Variants in TUBAL3 observed in about 807,000 individuals in gnomAD.
TUBAL3 encodes tubulin alpha chain-like 3.
In TUBAL3, 16 loss-of-function variants were observed where a neutral mutation model predicts 15.5. The observed-to-expected ratio is 1.04, with a 90% CI of 0.70 to 1.57. TUBAL3 has a LOEUF of 1.57. Ranked by LOEUF, TUBAL3 falls within the 40% of genes most tolerant of loss-of-function variation. TUBAL3 has a pLI of 0.00. For synonymous variants in TUBAL3, 238 were observed against 224.3 expected (o/e 1.06, Z -0.55); for missense variants, 609 against 576.2 (o/e 1.06, Z -0.58).
rs549479347 is a variant in TUBAL3 at position 5,393,277 on chromosome 10, T to C, written c.*240A>G. 4.1e-5 allele frequency: 18 copies of C among 439,830 alleles called. No individual in the cohort carries two copies. In the East Asian group the frequency reaches 5.1e-4, roughly 13 times the overall value. The allele number at this position is 439,830 out of a possible 1,614,324, so 27.2% of individuals were successfully genotyped here. A position where few individuals can be genotyped will look rare whatever the true frequency, so the allele number is the denominator to read the frequency against. On this transcript the variant is annotated 3_prime_UTR_variant, in exon 4 of 4. Transcript: ENST00000380419. ...TCCCACCTAGAAGTGACTCAGCAGT[T>C]CAAAGGACTCTAAGCTTCCAAAGGC... is the stretch of plus-strand genomic sequence containing the variant.
At position 5,398,560 on chromosome 10, in the gene TUBAL3, C is replaced by T. The variant is rs116378859; in HGVS notation, c.247+2284G>A. ...GAGCTATGATTACGCCACTGCACTC[C>T]AGCCTGGGTGACAGAACAAGACCCA... On this transcript the variant is annotated intron_variant, in intron 2 of 3. Transcript: ENST00000380419. Among the ~76,000 whole-genome samples, 1,133 of 152,172 alleles carry T rather than the reference C, an allele frequency of 7.4e-3. 20 individuals are homozygous for T. The highest frequency in any genetic ancestry group is 0.026 in the African/African-American group (1,089 of 41,518).
At chr10:5,402,349 G>A (rs971134010) in intron 1 of TUBAL3, among the ~76,000 whole-genome samples, 10 of 152,178 alleles carry the variant, frequency 6.6e-5, no homozygotes, top group Non-Finnish European at 1.5e-4. Context: ...GATAGCAATC[G>A]CTGTTCTTAA....
At position 5,393,533 on chromosome 10, in the gene TUBAL3, A is replaced by C. The variant is rs781801700; in HGVS notation, c.1325T>G (p.Val442Gly). ...ATACATGCCTCAGAAACTTTGCGCCACTTCCTCATAGTCCCTCTCCAGGGC... is the reference window on the plus strand; with the variant it reads ...ATACATGCCTCAGAAACTTTGCGCCCCTTCCTCATAGTCCCTCTCCAGGGC... ...LAALERDYEE[V>G]AQSF The change falls in exon 4 of 4, where the codon GTG becomes GGG. Residue 442 changes from valine (V) to glycine (G), a missense_variant. Coordinates refer to ENST00000380419, the MANE Select transcript of TUBAL3 (RefSeq NM_024803.3). 6.2e-7 allele frequency: 1 copy of C among 1,604,852 alleles called. No homozygotes were observed. Among genetic ancestry groups the C allele is most frequent in the South Asian group, 1.1e-5 (1 of 89,616 alleles).
At position 5,394,235 on chromosome 10, in the gene TUBAL3, G is replaced by A; in HGVS notation, c.623C>T (p.Thr208Ile). The A allele has an allele frequency of 1.9e-6, 3 of 1,614,180 alleles. No individual in the cohort carries two copies. Among genetic ancestry groups the A allele is most frequent in the Non-Finnish European group, 2.5e-6 (3 of 1,180,032 alleles). The change falls in exon 4 of 4, where the codon ACC becomes ATC. Residue 208 changes from threonine to isoleucine, a missense_variant. Transcript: ENST00000380419. The surrounding 1 kb of genome is among the most constrained non-coding windows in gnomAD (Gnocchi z 4.3). ...THSTTEHTDC[T>I]FMVDNEAVYD... ...GACGGCCTCGTTGTCCACCATGAAGGTACAGTCCGTGTGCTCTGTGGTGGA... is the reference window on the plus strand; with the variant it reads ...GACGGCCTCGTTGTCCACCATGAAGATACAGTCCGTGTGCTCTGTGGTGGA...
In TUBAL3 at chr10:5,393,299, A is replaced by C; in HGVS notation, c.*218T>G. On this transcript the variant is annotated 3_prime_UTR_variant, in exon 4 of 4. Coordinates refer to ENST00000380419, the MANE Select transcript of TUBAL3 (RefSeq NM_024803.3). The stretch of plus-strand genomic sequence containing the variant: ...AGTTCAAAGGACTCTAAGCTTCCAA[A>C]GGCTCCCAGGTAGCAGAGCTGACTT... The C allele has an allele frequency of 2.1e-6, 1 of 473,478 alleles. No individual in the cohort carries two copies. Among genetic ancestry groups the C allele is most frequent in the African/African-American group, 1.9e-5 (1 of 51,476 alleles). The allele number at this position is 473,478 out of a possible 1,614,324, so 29.3% of individuals were successfully genotyped here.
At chr10:5,399,746 G>C (rs1554814477) in intron 2 of TUBAL3, among the ~76,000 whole-genome samples, 3 of 152,100 alleles carry the variant, frequency 2.0e-5, no homozygotes, top group Admixed American at 6.5e-5. Flanking sequence ...CACTCTCTCA[G>C]TCAACAGCCA....
At chr10:5,399,143 C>T (rs1806720517) in intron 2 of TUBAL3, among the ~76,000 whole-genome samples, 1 of 152,144 alleles carries the variant, frequency 6.6e-6, no homozygotes, top group Non-Finnish European at 1.5e-5. Flanking sequence ...TTATAAAGTT[C>T]CTCATCTATA....
rs142200507 is a variant in TUBAL3 at position 5,401,160 on chromosome 10, G to C, written c.4-73C>G. The C allele has an allele frequency of 8.3e-4, 1,306 of 1,569,308 alleles. 5 individuals are homozygous for C. The African/African-American group carries it at 0.016, about 19-fold the overall frequency. On this transcript the variant is annotated intron_variant, in intron 1 of 3. Transcript: ENST00000380419. The stretch of plus-strand genomic sequence containing the variant: ...AGGAGATCTGTTACTCAGCCCTTCT[G>C]GTTACAAATGACAGAAACCAAGCTA...
At position 5,393,792 on chromosome 10, in the gene TUBAL3, T is replaced by C. The variant is rs181652174; in HGVS notation, c.1066A>G (p.Thr356Ala). The C allele has an allele frequency of 1.2e-5, 19 of 1,614,070 alleles. No homozygotes were observed. Among genetic ancestry groups the C allele is most frequent in the South Asian group, 4.4e-5 (4 of 91,088 alleles). ...HSVQFVDWCPTGFKVGINNRP... is the reference protein window; with the variant it reads ...HSVQFVDWCPAGFKVGINNRP... ...TTGTTGATGCCCACCTTGAAACCAG[T>C]TGGACACCAATCTACAAACTGAACA... Residue 356 changes from threonine (T) to alanine (A), a missense_variant, in exon 4 of 4, where the codon ACT (threonine) becomes GCT (alanine). By Grantham distance (58) the Thr-to-Ala change is moderately conservative. Coordinates refer to ENST00000380419, the MANE Select transcript of TUBAL3 (RefSeq NM_024803.3).
chr10:5,396,271 G>A lies in TUBAL3; in HGVS notation c.248-796C>T, dbSNP rs1014727736. 2.0e-5 allele frequency among the ~76,000 whole-genome samples: 3 copies of A among 152,098 alleles called. No homozygotes were observed. The highest frequency in any genetic ancestry group is 7.2e-5 in the African/African-American group (3 of 41,424). ...ACCTGTAATCCCAGCACTTTGGGAGGCTGAGGCAGGTGGATCACTTGAGGT... is the reference window on the plus strand; with the variant it reads ...ACCTGTAATCCCAGCACTTTGGGAGACTGAGGCAGGTGGATCACTTGAGGT... On this transcript the variant is annotated intron_variant, in intron 2 of 3. Transcript: ENST00000380419. This position sits in a 1 kb window ranked among gnomAD's most constrained non-coding sequence, Gnocchi z 5.1.
intron 1 of TUBAL3, among the ~76,000 whole-genome samples, chr10:5,402,601 G>A (rs782230883): frequency 2.6e-5 from 4 of 152,138 alleles, no homozygotes; most frequent in Non-Finnish European, 5.9e-5. Context: ...CCCAACCCCC[G>A]GGCCACAGAC....
At chr10:5,401,631 C>T (rs1831852459) in intron 1 of TUBAL3, among the ~76,000 whole-genome samples, 1 of 151,954 alleles carries the variant, frequency 6.6e-6, no homozygotes, top group South Asian at 2.1e-4. Context: ...ATATACTAAA[C>T]TTAAAACTAG....
At position 5,396,666 on chromosome 10, in the gene TUBAL3, T is replaced by G. The variant is rs1354675486; in HGVS notation, c.248-1191A>C. Among the ~76,000 whole-genome samples the G allele has an allele frequency of 6.6e-6, 1 of 152,160 alleles. No homozygotes were observed. The highest frequency in any genetic ancestry group is 1.9e-4 in the East Asian group (1 of 5,202). On this transcript the variant is annotated intron_variant, in intron 2 of 3. Transcript: ENST00000380419. The surrounding 1 kb of genome is among the most constrained non-coding windows in gnomAD (Gnocchi z 5.1). ...AATGCATGACGCAGGACAATTGGCG[T>G]TAAGATGTTGGCAGTATCCAATACA... is the stretch of plus-strand genomic sequence containing the variant.
At chr10:5,400,735 G>A in intron 2 of TUBAL3, 109 bp downstream of exon 2, 1 of 1,393,078 alleles carries the variant, frequency 7.2e-7, no homozygotes, top group Non-Finnish European at 9.9e-7. Context: ...TTTGGGAAAG[G>A]TCCATGTGAT....
In TUBAL3 at chr10:5,394,084, G is replaced by A; in HGVS notation, c.774C>T (p.Asp258=). The A allele has an allele frequency of 1.2e-6, 2 of 1,614,204 alleles. No homozygotes were observed. The highest frequency in any genetic ancestry group is 8.5e-7 in the Non-Finnish European group (1 of 1,180,042). ...CCAGGTTGGTCTGGAATTCAATTAGGTCTACATTCAAGGGCCCTTCAAACC... is the reference window on the plus strand; with the variant it reads ...CCAGGTTGGTCTGGAATTCAATTAGATCTACATTCAAGGGCCCTTCAAACC... ...SLRFEGPLNV[D]LIEFQTNLVP... Residue 258 remains aspartate (D), a synonymous_variant, in exon 4 of 4, where the codon GAC becomes GAT. Transcript: ENST00000380419. This position sits in a 1 kb window ranked among gnomAD's most constrained non-coding sequence, Gnocchi z 4.3.
At position 5,395,067 on chromosome 10, in the gene TUBAL3, A is replaced by T. The variant is rs937998621; in HGVS notation, c.396+260T>A. Among the ~76,000 whole-genome samples, 4 of 152,198 alleles carry T rather than the reference A, an allele frequency of 2.6e-5. No individual in the cohort carries two copies. The highest frequency in any genetic ancestry group is 2.6e-4 in the Admixed American group (4 of 15,278). ...TATGGGAGTCTCTCGTAACAAGATGAACCCTGTGTTAGGAGAACCAGGGAT... is the reference window on the plus strand; with the variant it reads ...TATGGGAGTCTCTCGTAACAAGATGTACCCTGTGTTAGGAGAACCAGGGAT... On this transcript the variant is annotated intron_variant, in intron 3 of 3. Coordinates refer to ENST00000380419, the MANE Select transcript of TUBAL3 (RefSeq NM_024803.3). The surrounding 1 kb of genome is among the most constrained non-coding windows in gnomAD (Gnocchi z 4.6).
chr10:5,402,054 G>A (rs7474645), intron 1 of TUBAL3, among the ~76,000 whole-genome samples: 12,807 of 152,154 alleles, frequency 0.084, 711 homozygotes, highest in South Asian at 0.17. Context: ...TAAGATGCAT[G>A]ATTGCATATA....
At chr10:5,404,069 C>G (rs371741670) in intron 1 of TUBAL3, among the ~76,000 whole-genome samples, 1 of 152,308 alleles carries the variant, frequency 6.6e-6, no homozygotes, top group African/African-American at 2.4e-5. Flanking sequence ...GCTATTATCA[C>G]AAGTCTCTCT....
In TUBAL3 at chr10:5,395,383, G is replaced by T. The variant is rs376042002; in HGVS notation, c.340C>A (p.Arg114Ser). The stretch of plus-strand genomic sequence containing the variant: ...ATGACCTCCGACCCCACAGAGTAAC[G>T]GCCTCGCGCGTAATTGTTAGCAGCA... Reference protein sequence around the residue: ...EDAANNYARGRYSVGSEVIDL... With the variant: ...EDAANNYARGSYSVGSEVIDL... The change falls in exon 3 of 4, where the codon CGT becomes AGT. Residue 114 changes from arginine (R) to serine (S), a missense_variant. Arg to Ser is a moderately radical substitution (Grantham distance 110, BLOSUM62 -1). Coordinates refer to ENST00000380419, the MANE Select transcript of TUBAL3 (RefSeq NM_024803.3). The surrounding 1 kb of genome is among the most constrained non-coding windows in gnomAD (Gnocchi z 4.6). 1.2e-6 allele frequency: 2 copies of T among 1,606,134 alleles called. No homozygotes were observed. Among genetic ancestry groups the T allele is most frequent in the Non-Finnish European group, 1.7e-6 (2 of 1,175,302 alleles).
Sources: allele counts gnomAD v4.1 joint callset (sites outside exome capture counted in the v4.1 genomes callset), GRCh38; gene constraint gnomAD v4.1.1; non-coding constraint Gnocchi (gnomAD v3.1); transcripts MANE v1.5; gene names NCBI Gene and HGNC (gene_info 2026-07-23, HGNC 2026-07-21).